Variants in PCCA observed in about 807,000 individuals in gnomAD.
The protein encoded by PCCA is propionyl-CoA carboxylase alpha chain, mitochondrial.
Under a neutral mutation model 101.3 loss-of-function variants are expected in PCCA, and 74 were observed. That is an observed-to-expected ratio of 0.73 (90% CI 0.61 to 0.89). PCCA has a LOEUF of 0.89. Among genes scored for constraint, PCCA ranks in the 40% least tolerant of loss-of-function variants. The pLI, the probability that PCCA is intolerant of heterozygous loss-of-function variation, is 0.00. For missense variants in PCCA, 891 were observed against 907.0 expected (o/e 0.98, Z 0.23); for synonymous variants, 294 against 313.6 (o/e 0.94, Z 0.66).
chr13:100,478,662 G>T lies in PCCA; in HGVS notation c.1899+29357G>T, dbSNP rs985895166. On this transcript the variant is annotated intron_variant, in intron 21 of 23. Coordinates refer to ENST00000376285, the MANE Select transcript of PCCA (RefSeq NM_000282.4). ...CTCGCCTGCCTCTTCACAGCCAGGC[G>T]TACTGTAGCGGCCTCAGGAGCGGTC... Among the ~76,000 whole-genome samples the T allele has an allele frequency of 3.9e-5, 6 of 152,296 alleles. No homozygotes were observed. The East Asian group carries it at 1.2e-3, about 29-fold the overall frequency.
At chr13:100,409,150 G>A (rs2077868000) in intron 19 of PCCA, among the ~76,000 whole-genome samples, 1 of 152,152 alleles carries the variant, frequency 6.6e-6, no homozygotes, top group African/African-American at 2.4e-5. Context: ...GAAGAAAAGG[G>A]CTATGGAAAG....
intron 19 of PCCA, among the ~76,000 whole-genome samples, chr13:100,380,937 A>T (rs1292072820): frequency 1.3e-5 from 2 of 152,250 alleles, no homozygotes; most frequent in East Asian, 1.9e-4. Context: ...ATCTGAATAG[A>T]CGTTTCTCCA....
chr13:100,147,689 C>T (rs2052750609), intron 4 of PCCA, among the ~76,000 whole-genome samples: 1 of 152,124 alleles, frequency 6.6e-6, no homozygotes, highest in Admixed American at 6.5e-5. Flanking sequence ...TTAAAGATTG[C>T]AAGCTAGAGC....
intron 4 of PCCA, chr13:100,149,522 G>C (rs1350182625): frequency 1.3e-5 from 2 of 152,098 alleles, no homozygotes; most frequent in East Asian, 1.9e-4. Context: ...ATTTTCATTG[G>C]TTAGTAATGT....
Position 100,354,074 on chromosome 13 carries a change from A to AAATAATAATAAT in PCCA, c.1643+13851_1643+13862dup, listed in dbSNP as rs35218503. On this transcript the variant is annotated intron_variant, in intron 18 of 23. Transcript: ENST00000376285. ...TAGAAGTTTGAGACCCCATCTCTAC[A>AAATAATAATAAT]AATAATAATAATAATAATAATAATA... 3.5e-3 allele frequency among the ~76,000 whole-genome samples: 454 copies of AAATAATAATAAT among 129,132 alleles called. 1 individual carries two copies. Among genetic ancestry groups the AAATAATAATAAT allele is most frequent in the South Asian group, 5.3e-3 (20 of 3,806 alleles). The allele number at this position is 129,132 out of a possible 152,430, so 84.7% of individuals were successfully genotyped here.
chr13:100,123,573 G>A (rs2049647307), intron 4 of PCCA, among the ~76,000 whole-genome samples: 1 of 151,800 alleles, frequency 6.6e-6, no homozygotes, highest in South Asian at 2.1e-4. Context: ...TAGGGAAACC[G>A]ATTTTTAAAA....
At position 100,292,934 on chromosome 13, in the gene PCCA, C is replaced by CATGTGTGTGTGTGT. The variant is rs141432911; in HGVS notation, c.1066-8526_1066-8525insATGTGTGTGTGTGT. Among the ~76,000 whole-genome samples, 5 of 147,676 alleles carry CATGTGTGTGTGTGT rather than the reference C, an allele frequency of 3.4e-5. No individual in the cohort carries two copies. The East Asian group carries it at 6.0e-4, about 18-fold the overall frequency. ...GACCCTGAATACACCTTTCCAAATT[C>CATGTGTGTGTGTGT]GTGTGTGTGTGTGTGTGTGTGTGTG... On this transcript the variant is annotated intron_variant, in intron 12 of 23. Transcript: ENST00000376285.
intron 6 of PCCA, 64 bp from the exon 7 acceptor site, chr13:100,209,268 T>C: frequency 7.1e-7 from 1 of 1,409,644 alleles, no homozygotes; most frequent in Non-Finnish European, 1.0e-6. Context: ...TTTTATAAAA[T>C]TGTGACTCCA....
chr13:100,449,217 A>T lies in PCCA; in HGVS notation c.1846-35A>T, dbSNP rs1292205975. On this transcript the variant is annotated intron_variant, in intron 20 of 23. Coordinates refer to ENST00000376285, the MANE Select transcript of PCCA (RefSeq NM_000282.4). ...AACATTACATACAAGCTGTGCAGAT[A>T]TGAGTTCATTTTATATCTCTTGTTT... The T allele has an allele frequency of 1.0e-5, 14 of 1,366,462 alleles. No homozygotes were observed. In the East Asian group the frequency reaches 3.5e-4, roughly 34 times the overall value. The allele number at this position is 1,366,462 out of a possible 1,614,324, so 84.6% of individuals were successfully genotyped here.
chr13:100,502,960 G>C (rs2085789688), intron 21 of PCCA, among the ~76,000 whole-genome samples: 2 of 152,210 alleles, frequency 1.3e-5, no homozygotes, highest in African/African-American at 4.8e-5. Context: ...GGCTGACGCA[G>C]ACCTAGGGCG....
rs553762355 is a variant in PCCA, at chr13:100,459,916, T to C, written c.1899+10611T>C. Among the ~76,000 whole-genome samples, 4 of 152,332 alleles carry C rather than the reference T, an allele frequency of 2.6e-5. No individual in the cohort carries two copies. The East Asian group carries it at 7.7e-4, about 29-fold the overall frequency. On this transcript the variant is annotated intron_variant, in intron 21 of 23. Transcript: ENST00000376285. ...CAGAGAGAGAGTGCAAACTCTGATC[T>C]TCCTTCCTGTTAAGGGCGCTAATCC...
At chr13:100,251,907 G>A (rs2061774799) in intron 8 of PCCA, among the ~76,000 whole-genome samples, 1 of 152,082 alleles carries the variant, frequency 6.6e-6, no homozygotes, top group African/African-American at 2.4e-5. Context: ...AACCACCCTG[G>A]GTTCTTCAGA....
intron 22 of PCCA, among the ~76,000 whole-genome samples, chr13:100,524,556 C>T (rs953235909): frequency 6.6e-6 from 1 of 152,100 alleles, no homozygotes; most frequent in African/African-American, 2.4e-5. Context: ...GAGAAGTGTG[C>T]TACTTAGTTT....
At chr13:100,369,905 G>C (rs1219913064) in intron 19 of PCCA, among the ~76,000 whole-genome samples, 3 of 151,642 alleles carry the variant, frequency 2.0e-5, no homozygotes, top group Non-Finnish European at 4.4e-5. Flanking sequence ...TTTTTTTTCT[G>C]GGGGAAGATT....
chr13:100,453,887 C>T (rs2152931840), intron 21 of PCCA, among the ~76,000 whole-genome samples: 1 of 152,280 alleles, frequency 6.6e-6, no homozygotes, highest in East Asian at 1.9e-4. Context: ...TTTTTGGAGA[C>T]AGAGTCTCAC....
At chr13:100,423,282 T>C (rs1196179742) in intron 19 of PCCA, among the ~76,000 whole-genome samples, 2 of 152,196 alleles carry the variant, frequency 1.3e-5, no homozygotes, top group Non-Finnish European at 2.9e-5. Context: ...GGATCTGGCA[T>C]GGTAACAAGG....
intron 19 of PCCA, among the ~76,000 whole-genome samples, chr13:100,387,527 A>G (rs1197704746): frequency 1.3e-5 from 2 of 152,230 alleles, no homozygotes; most frequent in African/African-American, 4.8e-5. Context: ...AACATCCAAA[A>G]GTAACCTGAT....
intron 4 of PCCA, among the ~76,000 whole-genome samples, chr13:100,146,419 A>G (rs1167359586): frequency 6.6e-6 from 1 of 151,838 alleles, no homozygotes; most frequent in Non-Finnish European, 1.5e-5. Context: ...CACTAAAACT[A>G]CAAAAATTAG....
At chr13:100,238,665 C>A (rs1378419830) in intron 8 of PCCA, among the ~76,000 whole-genome samples, 1 of 152,214 alleles carries the variant, frequency 6.6e-6, no homozygotes, top group Non-Finnish European at 1.5e-5. Flanking sequence ...AAAATCTCTT[C>A]TGAATCACCT....
Sources: gnomAD v4.1 joint callset for allele counts (sites outside exome capture counted in the v4.1 genomes callset) on GRCh38, gnomAD v4.1.1 for gene constraint, MANE v1.5 for transcripts, NCBI Gene and HGNC (gene_info 2026-07-23, HGNC 2026-07-21) for gene names.